Variants in POGZ observed in about 807,000 individuals in gnomAD.
POGZ encodes pogo transposable element derived with ZNF domain.
POGZ carries 17 observed loss-of-function variants against 134.6 expected under a neutral mutation model. That is an observed-to-expected ratio of 0.13 (90% CI 0.09 to 0.19). The LOEUF is 0.19. Among genes scored for constraint, POGZ ranks in the 10% least tolerant of loss-of-function variants. The probability of loss-of-function intolerance (pLI) is 1.00; values close to 1 mark genes in which losing one functional copy is unlikely to be tolerated. For synonymous variants in POGZ, 693 were observed against 657.1 expected, an observed-to-expected ratio of 1.05 and a Z score of -0.84; for missense variants, 1,306 against 1,769.7, an observed-to-expected ratio of 0.74 and a Z score of 4.70.
In POGZ at chr1:151,459,366, A is replaced by AGGGGGGC. The variant is rs1663236571; in HGVS notation, c.-223_-217dup. On this transcript the variant is annotated 5_prime_UTR_variant, in exon 1 of 19. Coordinates refer to ENST00000271715, the MANE Select transcript of POGZ (RefSeq NM_015100.4). Reference sequence around the variant, plus strand: ...TGATTCGGGGTGGATTTTTTTCCCGAGGGGGGCGGGGGGGCCCCGAGGGAG... The same window carrying AGGGGGGC: ...TGATTCGGGGTGGATTTTTTTCCCGAGGGGGGCGGGGGGCGGGGGGGCCCCGAGGGAG... 4.8e-5 allele frequency: 1 copy of AGGGGGGC among 21,044 alleles called. No homozygotes were observed. Among genetic ancestry groups the AGGGGGGC allele is most frequent in the African/African-American group, 2.2e-4 (1 of 4,618 alleles). 1.3% of individuals were successfully genotyped at this position (21,044 alleles called of 1,614,324 possible).
At chr1:151,421,783 C>T (rs796119814) in intron 10 of POGZ, among the ~76,000 whole-genome samples, 15 of 152,282 alleles carry the variant, frequency 9.9e-5, no homozygotes, top group African/African-American at 2.2e-4. Flanking sequence ...GACAGAGACT[C>T]GCTCTGTCAT....
At chr1:151,411,862 TAAAAA>T in intron 11 of POGZ, 91 bp from the exon 12 acceptor site, 1 of 989,090 alleles carries the variant, frequency 1.0e-6, no homozygotes, top group South Asian at 2.2e-5. Flanking sequence ...ATTTTTAAAT[TAAAAA>T]AAAAAAGTTT....
chr1:151,408,315 A>C, intron 14 of POGZ, 75 bp from the exon 15 acceptor site: 1 of 1,579,108 alleles, frequency 6.3e-7, no homozygotes, highest in Non-Finnish European at 8.6e-7. Context: ...CAGACAACAA[A>C]CCCTGCTAAA....
At chr1:151,425,491 C>A (rs1033137975) in intron 7 of POGZ, among the ~76,000 whole-genome samples, 15 of 151,928 alleles carry the variant, frequency 9.9e-5, no homozygotes, top group African/African-American at 3.6e-4. Flanking sequence ...AAGCTATATC[C>A]AATAAAAACC....
At position 151,408,256 on chromosome 1, in the gene POGZ, AAAAAG is replaced by A. The variant is rs1654032468; in HGVS notation, c.2235-21_2235-17del. 6.2e-7 allele frequency: 1 copy of A among 1,603,404 alleles called. No homozygotes were observed. Among genetic ancestry groups the A allele is most frequent in the Admixed American group, 1.8e-5 (1 of 55,720 alleles). ...CATGACACTCCTGTGGGGGAAAAAAAAAAAGAATTCTCATTACTGCCTCATGGGTC... is the reference window on the plus strand; with the variant it reads ...CATGACACTCCTGTGGGGGAAAAAAAAATTCTCATTACTGCCTCATGGGTC... On this transcript the variant is annotated splice_polypyrimidine_tract_variant and intron_variant, in intron 14 of 18. Transcript: ENST00000271715.
chr1:151,453,970 T>C (rs933733329), intron 1 of POGZ, among the ~76,000 whole-genome samples: 1 of 152,218 alleles, frequency 6.6e-6, no homozygotes, highest in Non-Finnish European at 1.5e-5. Context: ...ATGTTGCCTA[T>C]CTTCATCTCA....
At chr1:151,418,601 T>C (rs975785034) in intron 10 of POGZ, among the ~76,000 whole-genome samples, 2 of 152,216 alleles carry the variant, frequency 1.3e-5, no homozygotes, top group African/African-American at 4.8e-5. Flanking sequence ...GTTTCTAGCA[T>C]AAACACATAG....
rs752744716 is a variant in POGZ at position 151,425,012 on chromosome 1, T to C, written c.1128A>G (p.Ile376Met). 2 of 1,598,682 alleles carry C rather than the reference T, an allele frequency of 1.3e-6. No homozygotes were observed. Among genetic ancestry groups the C allele is most frequent in the African/African-American group, 1.3e-5 (1 of 74,718 alleles). ...VFDLQDGGRK[I>M]CPRCNAQFRV... ...GAAATTGAGCATTACATCGTGGACA[T>C]ATTTTCCGTCCACCATCCTGGAGGT... Residue 376 changes from isoleucine to methionine, a missense_variant, in exon 8 of 19, where the codon ATA (isoleucine) becomes ATG (methionine). Transcript: ENST00000271715.
chr1:151,429,562 G>T (rs756559732), intron 5 of POGZ, 41 bp downstream of exon 5: 1 of 994,844 alleles, frequency 1.0e-6, no homozygotes, highest in South Asian at 1.4e-5. Context: ...CAAATCTTCT[G>T]GATGCCAGTT....
chr1:151,407,425 C>T, intron 15 of POGZ, 134 bp from the exon 16 acceptor site: 1 of 629,032 alleles, frequency 1.6e-6, no homozygotes, highest in South Asian at 2.1e-5. Context: ...GCCAGTTTTC[C>T]TGTCACCATG....
chr1:151,424,828 G>C (rs976712809), intron 8 of POGZ, 127 bp downstream of exon 8: 1 of 611,414 alleles, frequency 1.6e-6, no homozygotes, highest in African/African-American at 1.9e-5. Flanking sequence ...TCTAAAAACA[G>C]ACCAAGAGAA....
chr1:151,408,920 A>G (rs1571343252), intron 12 of POGZ, 92 bp from the exon 13 acceptor site: 4 of 1,057,302 alleles, frequency 3.8e-6, no homozygotes, highest in Admixed American at 4.4e-5. Flanking sequence ...AATGTCAACC[A>G]TATCATTCTT....
chr1:151,403,864 TG>T lies in POGZ; in HGVS notation c.*937del. ...AGTTCAGTAAAGCAGGGACTGCCCC[TG>T]GGGGCTTACAGGATGAAGACTCAAA... On this transcript the variant is annotated 3_prime_UTR_variant, in exon 19 of 19. Coordinates refer to ENST00000271715, the MANE Select transcript of POGZ (RefSeq NM_015100.4). 2.0e-6 allele frequency: 2 copies of T among 985,464 alleles called. No individual in the cohort carries two copies. The highest frequency in any genetic ancestry group is 2.4e-6 in the Non-Finnish European group (2 of 829,940). The allele number at this position is 985,464 out of a possible 1,614,324, so 61.0% of individuals were successfully genotyped here. A position where few individuals can be genotyped will look rare whatever the true frequency, so the allele number is the denominator to read the frequency against.
At chr1:151,442,508 G>C (rs1239492860) in intron 1 of POGZ, 2 of 200,982 alleles carry the variant, frequency 1.0e-5, no homozygotes, top group African/African-American at 2.3e-5. Context: ...TTGGGAGTTA[G>C]AGAACCAGAC....
In POGZ at chr1:151,450,023, ATTTTTTTTTTT is replaced by A. The variant is rs1171783071; in HGVS notation, c.-1-7829_-1-7819del. 2.6e-4 allele frequency among the ~76,000 whole-genome samples: 19 copies of A among 74,328 alleles called. 2 individuals are homozygous for A. The East Asian group carries it at 7.3e-3, about 29-fold the overall frequency. The allele number at this position is 74,328 out of a possible 152,430, so 48.8% of individuals were successfully genotyped here. A position where few individuals can be genotyped will look rare whatever the true frequency, so the allele number is the denominator to read the frequency against. On this transcript the variant is annotated intron_variant, in intron 1 of 18. Coordinates refer to ENST00000271715, the MANE Select transcript of POGZ (RefSeq NM_015100.4). ...TATAATCACCTACCTGTGAAACTTG[ATTTTTTTTTTT>A]TTTTTTTTTTTTTTTGAGACGGAGT...
At chr1:151,450,087 A>G (rs1475168205) in intron 1 of POGZ, among the ~76,000 whole-genome samples, 3 of 127,644 alleles carry the variant, frequency 2.4e-5, no homozygotes, top group Admixed American at 1.0e-4. Flanking sequence ...GCTGCAGCGC[A>G]GAGGCACGAT....
intron 10 of POGZ, among the ~76,000 whole-genome samples, chr1:151,413,044 T>C (rs114870420): frequency 0.02 from 3,096 of 151,830 alleles, 100 homozygotes; most frequent in African/African-American, 0.071. Context: ...CCTCAGGTGA[T>C]CTACCTGTCC....
Position 151,405,213 on chromosome 1 carries a change from G to A in POGZ, c.3822C>T (p.Asn1274=). Reference sequence around the variant, plus strand: ...GTTCCTTCCATTTTTTATGCAGGAAGTTCTTGACAGTTCTTTTGATGCATA... The same window carrying A: ...GTTCCTTCCATTTTTTATGCAGGAAATTCTTGACAGTTCTTTTGATGCATA... ...LDVCIKRTVK[N]FLHKKWKEQA... is the part of the protein sequence containing the mutation. Residue 1274 remains asparagine, a synonymous_variant, in exon 19 of 19, where the codon AAC becomes AAT. Coordinates refer to ENST00000271715, the MANE Select transcript of POGZ (RefSeq NM_015100.4). This position sits in a 1 kb window ranked among gnomAD's most constrained non-coding sequence, Gnocchi z 4.9. The A allele has an allele frequency of 6.2e-7, 1 of 1,614,106 alleles. No individual in the cohort carries two copies. The highest frequency in any genetic ancestry group is 8.5e-7 in the Non-Finnish European group (1 of 1,179,952).
intron 1 of POGZ, among the ~76,000 whole-genome samples, chr1:151,446,633 G>A (rs1056750418): frequency 2.6e-5 from 4 of 151,698 alleles, no homozygotes; most frequent in Admixed American, 1.3e-4. Context: ...GCACACGCCT[G>A]TAATCCCAGC....
Sources: allele counts gnomAD v4.1 joint callset (sites outside exome capture counted in the v4.1 genomes callset), GRCh38; gene constraint gnomAD v4.1.1; non-coding constraint Gnocchi (gnomAD v3.1); transcripts MANE v1.5; gene names NCBI Gene and HGNC (gene_info 2026-07-23, HGNC 2026-07-21).